The following PCDHGA1 variants were observed in gnomAD, a reference collection of about 807,000 sequenced individuals.
PCDHGA1 encodes the protein protocadherin gamma-A1.
A neutral mutation model predicts 58.0 loss-of-function variants in PCDHGA1; 32 were observed. That is an observed-to-expected ratio of 0.55 (90% CI 0.42 to 0.74). The LOEUF (loss-of-function observed/expected upper bound fraction) is 0.74, where lower values mean the gene tolerates loss of function less well. PCDHGA1 is among the 30% of genes least tolerant of loss of function. The probability of loss-of-function intolerance (pLI) is 0.00; values close to 1 mark genes in which losing one functional copy is unlikely to be tolerated. For missense variants in PCDHGA1, 1,205 were observed against 1,182.3 expected (o/e 1.02, Z -0.28); for synonymous variants, 498 against 501.1 (o/e 0.99, Z 0.08).
At position 141,431,303 on chromosome 5, in the gene PCDHGA1, G is replaced by T. The variant is rs777784010; in HGVS notation, c.2422-63504G>T. The T allele has an allele frequency of 1.2e-6, 2 of 1,614,060 alleles. No homozygotes were observed. Among genetic ancestry groups the T allele is most frequent in the Non-Finnish European group, 1.7e-6 (2 of 1,180,038 alleles). On this transcript the variant is annotated intron_variant, in intron 1 of 3. Coordinates refer to ENST00000517417, the MANE Select transcript of PCDHGA1 (RefSeq NM_018912.3). The surrounding 1 kb of genome is among the most constrained non-coding windows in gnomAD (Gnocchi z 4.8). ...CCCGAACACTCACTTCTCCCTCATC[G>T]TGCAAAATGGAGCCGACGGTAGTAA...
At chr5:141,464,000 T>C (rs1045842127) in intron 1 of PCDHGA1, among the ~76,000 whole-genome samples, 15 of 152,158 alleles carry the variant, frequency 9.9e-5, no homozygotes, top group Non-Finnish European at 1.3e-4. Context: ...GTGCAGTGGC[T>C]CATGCTTGTA....
chr5:141,376,321 T>A (rs764863792), intron 1 of PCDHGA1: 5 of 1,614,176 alleles, frequency 3.1e-6, no homozygotes, highest in African/African-American at 1.3e-5. Flanking sequence ...TGGAAGGGGT[T>A]CGGGCTTTCC....
Position 141,490,711 on chromosome 5 carries a change from T to C in PCDHGA1, c.2422-4096T>C. ...CACTGGGGATAATGCCCGCCTCACC[T>C]ACTCCATTGTAGGAAATCAGGTTCA... On this transcript the variant is annotated intron_variant, in intron 1 of 3. Transcript: ENST00000517417. The surrounding 1 kb of genome is among the most constrained non-coding windows in gnomAD (Gnocchi z 5.4). The C allele has an allele frequency of 6.2e-7, 1 of 1,614,200 alleles. No individual in the cohort carries two copies. Among genetic ancestry groups the C allele is most frequent in the Non-Finnish European group, 8.5e-7 (1 of 1,180,002 alleles).
chr5:141,432,859 C>A lies in PCDHGA1; in HGVS notation c.2422-61948C>A. The A allele has an allele frequency of 1.2e-6, 2 of 1,614,190 alleles. No homozygotes were observed. Among genetic ancestry groups the A allele is most frequent in the Non-Finnish European group, 1.7e-6 (2 of 1,180,020 alleles). The stretch of plus-strand genomic sequence containing the variant: ...ACCTGGTGGTAGCGGTGGCCGCGGT[C>A]TCCTGCGTCTTCCTGGCCTTCGTCA... On this transcript the variant is annotated intron_variant, in intron 1 of 3. Transcript: ENST00000517417. This position sits in a 1 kb window ranked among gnomAD's most constrained non-coding sequence, Gnocchi z 6.0.
At chr5:141,506,103 C>T (rs1001709380) in intron 3 of PCDHGA1, among the ~76,000 whole-genome samples, 2 of 152,144 alleles carry the variant, frequency 1.3e-5, no homozygotes, top group Admixed American at 1.3e-4. Context: ...GTGGTTGTCC[C>T]TGAAGAGTCA....
chr5:141,389,916 G>C lies in PCDHGA1; in HGVS notation c.2421+56811G>C, dbSNP rs747654268. 3.1e-6 allele frequency: 5 copies of C among 1,613,904 alleles called. No individual in the cohort carries two copies. In the African/African-American group the frequency reaches 6.7e-5, roughly 22 times the overall value. ...GCTGCCGGATATCACTGACCGCCCC[G>C]ACCCCTCTGACCTCCAGGCTGAGCT... On this transcript the variant is annotated intron_variant, in intron 1 of 3. Transcript: ENST00000517417.
At chr5:141,427,773 C>T (rs1285483564) in intron 1 of PCDHGA1, 1 of 1,414,460 alleles carries the variant, frequency 7.1e-7, no homozygotes, top group Non-Finnish European at 9.9e-7. Flanking sequence ...CTTGGAGCTG[C>T]GGGCACTGTC....
intron 1 of PCDHGA1, chr5:141,367,864 T>C (rs960069997): frequency 1.1e-4 from 16 of 152,208 alleles, no homozygotes; most frequent in African/African-American, 3.9e-4. Flanking sequence ...TCTTTAAGTG[T>C]AGGTGCAATT....
intron 1 of PCDHGA1, among the ~76,000 whole-genome samples, chr5:141,425,305 AC>A (rs1239206853): frequency 1.3e-5 from 2 of 152,202 alleles, no homozygotes; most frequent in Non-Finnish European, 2.9e-5. Flanking sequence ...ATCTAAACTA[AC>A]TTCCCAAGAT....
At chr5:141,356,909 A>G (rs748015805) in intron 1 of PCDHGA1, 23 of 1,613,988 alleles carry the variant, frequency 1.4e-5, no homozygotes, top group Non-Finnish European at 1.8e-5. Flanking sequence ...TTCCCTACTG[A>G]TGGCTCCACT....
At chr5:141,373,732 C>T (rs969264007) in intron 1 of PCDHGA1, among the ~76,000 whole-genome samples, 1 of 152,174 alleles carries the variant, frequency 6.6e-6, no homozygotes, top group African/African-American at 2.4e-5. Flanking sequence ...CTTCTAAATG[C>T]TTCATTATCT....
chr5:141,379,805 G>T (rs183993206), intron 1 of PCDHGA1, among the ~76,000 whole-genome samples: 71 of 149,374 alleles, frequency 4.8e-4, no homozygotes, highest in African/African-American at 1.7e-3. Flanking sequence ...GAGGTTTTGA[G>T]AGTTCAGTAT....
chr5:141,431,774 G>T lies in PCDHGA1; in HGVS notation c.2422-63033G>T. Reference sequence around the variant, plus strand: ...AGCCAAAGTCCTGATCACTGTTCTGGACGTGAACGACAATGCCCCAGAAGT... The same window carrying T: ...AGCCAAAGTCCTGATCACTGTTCTGTACGTGAACGACAATGCCCCAGAAGT... On this transcript the variant is annotated intron_variant, in intron 1 of 3. Transcript: ENST00000517417. This position sits in a 1 kb window ranked among gnomAD's most constrained non-coding sequence, Gnocchi z 4.8. 5 of 1,614,204 alleles carry T rather than the reference G, an allele frequency of 3.1e-6. No individual in the cohort carries two copies. The highest frequency in any genetic ancestry group is 4.2e-6 in the Non-Finnish European group (5 of 1,180,038).
chr5:141,351,750 T>A, intron 1 of PCDHGA1: 1 of 1,613,678 alleles, frequency 6.2e-7, no homozygotes, highest in South Asian at 1.1e-5. Flanking sequence ...CCGCGGGAGC[T>A]GTTGTCCTAC....
At chr5:141,500,436 C>G (rs1318326111) in intron 2 of PCDHGA1, among the ~76,000 whole-genome samples, 2 of 151,836 alleles carry the variant, frequency 1.3e-5, no homozygotes, top group African/African-American at 2.4e-5. Flanking sequence ...GTCTCGATCT[C>G]CTGACCTCGT....
chr5:141,477,671 G>A lies in PCDHGA1; in HGVS notation c.2422-17136G>A, dbSNP rs1022028453. The A allele has an allele frequency of 1.2e-6, 2 of 1,614,198 alleles. No individual in the cohort carries two copies. Among genetic ancestry groups the A allele is most frequent in the Non-Finnish European group, 1.7e-6 (2 of 1,180,048 alleles). Reference sequence around the variant, plus strand: ...CACAATAAATCGTGACAATGGCATAGTGTCATCCTTAGTGCCCCTAGACTA... The same window carrying A: ...CACAATAAATCGTGACAATGGCATAATGTCATCCTTAGTGCCCCTAGACTA... On this transcript the variant is annotated intron_variant, in intron 1 of 3. Coordinates refer to ENST00000517417, the MANE Select transcript of PCDHGA1 (RefSeq NM_018912.3). This position sits in a 1 kb window ranked among gnomAD's most constrained non-coding sequence, Gnocchi z 4.9.
intron 1 of PCDHGA1, chr5:141,389,448 C>T (rs895638491): frequency 1.2e-6 from 2 of 1,610,424 alleles, no homozygotes; most frequent in Non-Finnish European, 1.7e-6. Context: ...CGACCACGAG[C>T]AGCTGCGCGC....
intron 1 of PCDHGA1, chr5:141,403,667 GC>G: frequency 6.2e-7 from 1 of 1,613,910 alleles, no homozygotes; most frequent in Non-Finnish European, 8.5e-7. Context: ...AAATGATAAT[GC>G]CCCGGTTTTT....
chr5:141,432,935 C>T lies in PCDHGA1; in HGVS notation c.2422-61872C>T. The T allele has an allele frequency of 4.3e-6, 7 of 1,614,218 alleles. No homozygotes were observed. The highest frequency in any genetic ancestry group is 5.1e-6 in the Non-Finnish European group (6 of 1,180,046). On this transcript the variant is annotated intron_variant, in intron 1 of 3. Transcript: ENST00000517417. This position sits in a 1 kb window ranked among gnomAD's most constrained non-coding sequence, Gnocchi z 6.0. The stretch of plus-strand genomic sequence containing the variant: ...GCGCTGGCACAAGTCACGCCTGCTG[C>T]AGGCTTCAGGAGGCGGCTTGACAGG...
Sources: gnomAD v4.1 joint callset for allele counts (sites outside exome capture counted in the v4.1 genomes callset) on GRCh38, gnomAD v4.1.1 for gene constraint, Gnocchi (gnomAD v3.1) non-coding constraint, MANE v1.5 for transcripts, NCBI Gene and HGNC (gene_info 2026-07-23, HGNC 2026-07-21) for gene names.